Variants in ULK4 observed in about 807,000 individuals in gnomAD.
ULK4 encodes the protein inactive serine/threonine-protein kinase ULK4.
ULK4 carries 133 observed loss-of-function variants against 160.6 expected under a neutral mutation model. The observed-to-expected ratio is 0.83, with a 90% CI of 0.72 to 0.96. ULK4 has a LOEUF of 0.96. Ranked by LOEUF, ULK4 falls within the 40% of genes least tolerant of loss-of-function variation. ULK4 has a pLI of 0.00. For missense variants in ULK4, 1,580 were observed against 1,499.5 expected (o/e 1.05, Z -0.89); for synonymous variants, 534 against 539.8 (o/e 0.99, Z 0.15).
chr3:41,767,555 AAC>A (rs1175129096), intron 21 of ULK4, among the ~76,000 whole-genome samples: 2 of 152,278 alleles, frequency 1.3e-5, no homozygotes, highest in African/African-American at 4.8e-5. Flanking sequence ...TCAATTATCC[AAC>A]AGTTATATTA....
chr3:41,954,371 G>A (rs1429958141), intron 2 of ULK4, among the ~76,000 whole-genome samples: 1 of 148,492 alleles, frequency 6.7e-6, no homozygotes, highest in Admixed American at 6.7e-5. Flanking sequence ...AAAAAAAAGA[G>A]TATAGTTTCC....
intron 29 of ULK4, among the ~76,000 whole-genome samples, chr3:41,670,691 T>C (rs532723786): frequency 4.9e-4 from 74 of 152,148 alleles, no homozygotes; most frequent in African/African-American, 1.7e-3. Context: ...TTAAATATAA[T>C]TGCACATAGT....
At chr3:41,445,593 T>C (rs1414095109) in intron 34 of ULK4, among the ~76,000 whole-genome samples, 2 of 152,176 alleles carry the variant, frequency 1.3e-5, no homozygotes, top group Non-Finnish European at 2.9e-5. Context: ...ATCTGATCTT[T>C]GACAAACCTG....
At chr3:41,576,930 C>T (rs946292079) in intron 31 of ULK4, among the ~76,000 whole-genome samples, 1 of 152,052 alleles carries the variant, frequency 6.6e-6, no homozygotes, top group South Asian at 2.1e-4. Flanking sequence ...GTGTCCCACA[C>T]GAAAGAAAGA....
intron 32 of ULK4, among the ~76,000 whole-genome samples, chr3:41,467,116 T>A (rs903020349): frequency 3.3e-5 from 5 of 152,334 alleles, no homozygotes; most frequent in East Asian, 1.9e-4. Flanking sequence ...TTGGCATTTT[T>A]AAATAAATCT....
intron 32 of ULK4, among the ~76,000 whole-genome samples, chr3:41,526,478 T>C (rs768334581): frequency 6.6e-6 from 1 of 152,200 alleles, no homozygotes; most frequent in East Asian, 1.9e-4. Context: ...ATCACTTTCT[T>C]AAGCTTAAAG....
chr3:41,793,030 G>T (rs923685031), intron 20 of ULK4, among the ~76,000 whole-genome samples: 1 of 152,184 alleles, frequency 6.6e-6, no homozygotes, highest in East Asian at 1.9e-4. Flanking sequence ...AAAATTAGCC[G>T]CACCTGCTGG....
chr3:41,370,921 AAT>A (rs1229653246), intron 35 of ULK4, among the ~76,000 whole-genome samples: 1 of 152,206 alleles, frequency 6.6e-6, no homozygotes, highest in Admixed American at 6.5e-5. Context: ...ACAGCACAGC[AAT>A]CTGAAGCTGA....
intron 35 of ULK4, among the ~76,000 whole-genome samples, chr3:41,345,742 T>TA (rs2080785168): frequency 6.6e-6 from 1 of 152,068 alleles, no homozygotes; most frequent in African/African-American, 2.4e-5. Context: ...TTTACCTATG[T>TA]AAAAAACCTG....
chr3:41,937,422 T>C, intron 3 of ULK4: 2 of 645,186 alleles, frequency 3.1e-6, no homozygotes, highest in Admixed American at 2.5e-5. Context: ...AGTATCAATA[T>C]AAGTTAGATG....
chr3:41,790,075 C>T (rs1286955367), intron 20 of ULK4, among the ~76,000 whole-genome samples: 1 of 152,130 alleles, frequency 6.6e-6, no homozygotes, highest in African/African-American at 2.4e-5. Context: ...GTAGTAATAA[C>T]CATTAAATTG....
intron 31 of ULK4, among the ~76,000 whole-genome samples, chr3:41,613,350 T>G (rs2032796418): frequency 6.6e-6 from 1 of 152,150 alleles, no homozygotes; most frequent in African/African-American, 2.4e-5. Flanking sequence ...TTAGACTTAT[T>G]CAGACATAGA....
chr3:41,361,834 T>C (rs2081151315), intron 35 of ULK4, among the ~76,000 whole-genome samples: 1 of 152,216 alleles, frequency 6.6e-6, no homozygotes, highest in Non-Finnish European at 1.5e-5. Flanking sequence ...TGGTATTGTT[T>C]CTAGGGAAGT....
At chr3:41,556,692 T>C (rs1304586523) in intron 32 of ULK4, among the ~76,000 whole-genome samples, 2 of 152,068 alleles carry the variant, frequency 1.3e-5, no homozygotes, top group South Asian at 4.2e-4. Context: ...TTTCACTGTG[T>C]TAGCCAGGAT....
intron 35 of ULK4, among the ~76,000 whole-genome samples, chr3:41,276,043 T>G (rs955446282): frequency 1.3e-5 from 2 of 152,252 alleles, no homozygotes; most frequent in African/African-American, 4.8e-5. Context: ...ACAGGACTAC[T>G]GCTGATACCC....
At chr3:41,767,396 A>G (rs1366499034) in intron 21 of ULK4, among the ~76,000 whole-genome samples, 2 of 152,148 alleles carry the variant, frequency 1.3e-5, no homozygotes, top group Admixed American at 6.5e-5. Context: ...AAAATCTACA[A>G]TGTTTATAAA....
At chr3:41,853,176 CAG>C (rs2042257756) in intron 17 of ULK4, among the ~76,000 whole-genome samples, 1 of 152,174 alleles carries the variant, frequency 6.6e-6, no homozygotes, top group African/African-American at 2.4e-5. Context: ...ACCCCTTCCT[CAG>C]AGTTTCTCAT....
intron 27 of ULK4, among the ~76,000 whole-genome samples, chr3:41,695,265 C>T (rs534857420): frequency 1.3e-5 from 2 of 152,298 alleles, no homozygotes; most frequent in South Asian, 2.1e-4. Context: ...AGGATACATT[C>T]GGACCATCAC....
chr3:41,368,652 T>C (rs1330120654), intron 35 of ULK4, among the ~76,000 whole-genome samples: 2 of 152,246 alleles, frequency 1.3e-5, no homozygotes, highest in Admixed American at 6.5e-5. Context: ...TGGTGCTTTG[T>C]GTCTGTCTTA....
Sources: gnomAD v4.1 joint callset for allele counts (sites outside exome capture counted in the v4.1 genomes callset) on GRCh38, gnomAD v4.1.1 for gene constraint, MANE v1.5 for transcripts, NCBI Gene and HGNC (gene_info 2026-07-23, HGNC 2026-07-21) for gene names.